The following MCTP1 variants were observed in gnomAD, a reference collection of about 807,000 sequenced individuals.
MCTP1 encodes multiple C2 and transmembrane domain-containing protein 1.
MCTP1 carries 69 observed loss-of-function variants against 120.6 expected under a neutral mutation model. The ratio of observed to expected loss-of-function variants is 0.57; its 90% CI spans 0.47 to 0.70. MCTP1 has a LOEUF of 0.70. MCTP1 is among the 30% of genes least tolerant of loss of function. MCTP1 has a pLI of 0.00. For synonymous variants in MCTP1, 529 were observed against 493.1 expected, an observed-to-expected ratio of 1.07 and a Z score of -0.96; for missense variants, 1,203 against 1,248.8, an observed-to-expected ratio of 0.96 and a Z score of 0.55.
Position 94,748,909 on chromosome 5 carries a change from C to T in MCTP1, c.2610+30201G>A, listed in dbSNP as rs369788396. On this transcript the variant is annotated intron_variant, in intron 19 of 22. Transcript: ENST00000515393. ...TGGACTGACTACACAGACTGGCCAC[C>T]GTCTGCAATAGCGCTCAATGCAATT... Among the ~76,000 whole-genome samples, 38 of 151,740 alleles carry T rather than the reference C, an allele frequency of 2.5e-4. No homozygotes were observed. The East Asian group carries it at 5.3e-3, about 21-fold the overall frequency.
rs143045575 is a variant in MCTP1 at position 95,078,847 on chromosome 5, G to C, written c.721-61363C>G. ...AAAGGAAATAATAATAATAATAATA[G>C]AACCCATACCTAATAAAGTTGCTGT... On this transcript the variant is annotated intron_variant, in intron 1 of 22. Coordinates refer to ENST00000515393, the MANE Select transcript of MCTP1 (RefSeq NM_024717.7). Among the ~76,000 whole-genome samples, 907 of 151,976 alleles carry C rather than the reference G, an allele frequency of 6.0e-3. 6 individuals are homozygous for C. The highest frequency in any genetic ancestry group is 0.021 in the African/African-American group (856 of 41,434).
At chr5:95,130,298 G>A (rs146598335) in intron 1 of MCTP1, among the ~76,000 whole-genome samples, 154 of 152,202 alleles carry the variant, frequency 1.0e-3, no homozygotes, top group Middle Eastern at 3.4e-3. Context: ...CTACCTCCTG[G>A]AATCTTTGAG....
intron 17 of MCTP1, among the ~76,000 whole-genome samples, chr5:94,833,647 T>C (rs1371545467): frequency 6.6e-6 from 1 of 152,214 alleles, no homozygotes; most frequent in African/African-American, 2.4e-5. Context: ...TATTACTTTG[T>C]GCTATCAAAA....
At chr5:95,110,328 T>A (rs967384098) in intron 1 of MCTP1, among the ~76,000 whole-genome samples, 2 of 152,042 alleles carry the variant, frequency 1.3e-5, no homozygotes, top group African/African-American at 4.8e-5. Flanking sequence ...CTGGTTCTCA[T>A]CAGTGGAGTG....
intron 2 of MCTP1, among the ~76,000 whole-genome samples, chr5:94,989,237 A>G (rs1374180435): frequency 2.0e-5 from 3 of 152,136 alleles, no homozygotes; most frequent in Non-Finnish European, 4.4e-5. Flanking sequence ...TTCTTCTGAG[A>G]GTATTTTCTA....
At chr5:95,123,798 C>T (rs570345225) in intron 1 of MCTP1, among the ~76,000 whole-genome samples, 15 of 152,150 alleles carry the variant, frequency 9.9e-5, no homozygotes, top group South Asian at 4.2e-4. Context: ...TACAGGCGCC[C>T]GCCACTGCGC....
chr5:95,266,448 G>A (rs1758892030), intron 1 of MCTP1, among the ~76,000 whole-genome samples: 1 of 152,184 alleles, frequency 6.6e-6, no homozygotes, highest in Non-Finnish European at 1.5e-5. Flanking sequence ...TTTCTGAAAA[G>A]GGTTTATGAT....
At chr5:94,910,134 A>G (rs1212105786) in intron 9 of MCTP1, among the ~76,000 whole-genome samples, 5 of 140,238 alleles carry the variant, frequency 3.6e-5, no homozygotes, top group Admixed American at 2.9e-4. Flanking sequence ...GTATACATGT[A>G]TATATGTATG....
At position 94,807,701 on chromosome 5, in the gene MCTP1, A is replaced by G. The variant is rs77650572; in HGVS notation, c.2437-8569T>C. ...GATGTTTTTAGTTGTCACAATGACT[A>G]GGATGGGAGAAGGGAAATACTGGGC... is the stretch of plus-strand genomic sequence containing the variant. On this transcript the variant is annotated intron_variant, in intron 17 of 22. Coordinates refer to ENST00000515393, the MANE Select transcript of MCTP1 (RefSeq NM_024717.7). Among the ~76,000 whole-genome samples, 1,001 of 107,212 alleles carry G rather than the reference A, an allele frequency of 9.3e-3. 12 individuals are homozygous for G. Among genetic ancestry groups the G allele is most frequent in the African/African-American group, 0.035 (960 of 27,516 alleles). 70.3% of individuals were successfully genotyped at this position (107,212 alleles called of 152,430 possible).
chr5:95,215,621 A>AT (rs1213028449), intron 1 of MCTP1, among the ~76,000 whole-genome samples: 3 of 151,014 alleles, frequency 2.0e-5, no homozygotes, highest in African/African-American at 4.9e-5. Context: ...TAGCCTTGTT[A>AT]TTTTTTTCTT....
At chr5:94,724,269 G>T (rs1264910692) in intron 19 of MCTP1, among the ~76,000 whole-genome samples, 4 of 152,064 alleles carry the variant, frequency 2.6e-5, no homozygotes, top group African/African-American at 9.7e-5. Flanking sequence ...GCTTTGAGAT[G>T]AGGTCTCGCT....
rs537527875 is a variant in MCTP1 at position 95,144,007 on chromosome 5, T to C, written c.721-126523A>G. Among the ~76,000 whole-genome samples the C allele has an allele frequency of 1.6e-4, 24 of 152,338 alleles. No individual in the cohort carries two copies. The South Asian group carries it at 2.1e-3, about 13-fold the overall frequency. On this transcript the variant is annotated intron_variant, in intron 1 of 22. Coordinates refer to ENST00000515393, the MANE Select transcript of MCTP1 (RefSeq NM_024717.7). ...TGCATTCATTCCACAGTGACTGAAC[T>C]AATTTGCATTCCTACGAACAGTGTC...
At position 95,160,542 on chromosome 5, in the gene MCTP1, C is replaced by T. The variant is rs959423838; in HGVS notation, c.720+123314G>A. Among the ~76,000 whole-genome samples the T allele has an allele frequency of 9.9e-5, 15 of 151,852 alleles. No homozygotes were observed. In the South Asian group the frequency reaches 2.3e-3, roughly 23 times the overall value. ...TTTTATTATTTTTTGAGACATTGGT[C>T]TGGGCAAATATTTCTTAGATATAAC... On this transcript the variant is annotated intron_variant, in intron 1 of 22. Coordinates refer to ENST00000515393, the MANE Select transcript of MCTP1 (RefSeq NM_024717.7).
chr5:95,198,192 T>C (rs1451028698), intron 1 of MCTP1, among the ~76,000 whole-genome samples: 2 of 152,168 alleles, frequency 1.3e-5, no homozygotes, highest in African/African-American at 4.8e-5. Flanking sequence ...TCTAAATGCA[T>C]AGAGATTAGG....
intron 2 of MCTP1, among the ~76,000 whole-genome samples, chr5:94,984,371 T>A (rs1830074833): frequency 6.6e-6 from 1 of 152,176 alleles, no homozygotes; most frequent in African/African-American, 2.4e-5. Flanking sequence ...AAGAACTGAA[T>A]CAGCTTCTGT....
intron 1 of MCTP1, among the ~76,000 whole-genome samples, chr5:95,041,442 G>C (rs1039808831): frequency 4.6e-5 from 7 of 151,994 alleles, no homozygotes; most frequent in Non-Finnish European, 1.0e-4. Context: ...AAAAAGAAAG[G>C]GTTGATTGTA....
At chr5:95,008,336 C>T (rs890786749) in intron 2 of MCTP1, among the ~76,000 whole-genome samples, 1 of 152,072 alleles carries the variant, frequency 6.6e-6, no homozygotes, top group Non-Finnish European at 1.5e-5. Context: ...ATATCTTAAC[C>T]CCCTCACCCC....
chr5:95,036,982 C>G (rs1396844624), intron 1 of MCTP1, among the ~76,000 whole-genome samples: 1 of 152,098 alleles, frequency 6.6e-6, no homozygotes, highest in Non-Finnish European at 1.5e-5. Flanking sequence ...ACAGAAAACA[C>G]AGAAAGATGT....
At chr5:95,051,092 A>C (rs116275191) in intron 1 of MCTP1, among the ~76,000 whole-genome samples, 4,390 of 152,180 alleles carry the variant, frequency 0.029, 83 homozygotes, top group Non-Finnish European at 0.039. Flanking sequence ...TGAGCCAATA[A>C]ATTTCTGCTG....
Sources: allele counts gnomAD v4.1 joint callset (sites outside exome capture counted in the v4.1 genomes callset), GRCh38; gene constraint gnomAD v4.1.1; transcripts MANE v1.5; gene names NCBI Gene and HGNC (gene_info 2026-07-23, HGNC 2026-07-21).